DLG2: variants seen among roughly 807,000 people sequenced by gnomAD.
DLG2 encodes discs large MAGUK scaffold protein 2, also known as disks large homolog 2.
DLG2 carries 45 observed loss-of-function variants against 132.5 expected under a neutral mutation model. The ratio of observed to expected loss-of-function variants is 0.34; its 90% CI spans 0.27 to 0.44. The LOEUF (loss-of-function observed/expected upper bound fraction) is 0.44. Among genes scored for constraint, DLG2 ranks in the 20% least tolerant of loss-of-function variants. The probability of loss-of-function intolerance (pLI) is 1.00; values close to 1 mark genes in which losing one functional copy is unlikely to be tolerated. For missense variants in DLG2, 1,045 were observed against 1,196.9 expected (o/e 0.87, Z 1.87); for synonymous variants, 424 against 419.6 (o/e 1.01, Z -0.13).
intron 5 of DLG2, among the ~76,000 whole-genome samples, chr11:85,146,585 C>T (rs1347482089): frequency 6.6e-6 from 1 of 152,006 alleles, no homozygotes; most frequent in Non-Finnish European, 1.5e-5. Context: ...TTTATTTTAC[C>T]GTGGCTGAGC....
intron 3 of DLG2, among the ~76,000 whole-genome samples, chr11:85,474,274 C>G (rs1207665388): frequency 2.0e-5 from 3 of 151,954 alleles, no homozygotes; most frequent in African/African-American, 7.2e-5. Context: ...ACTGTATTTA[C>G]TTCACAACAT....
At chr11:85,418,884 C>T (rs370666616) in intron 3 of DLG2, among the ~76,000 whole-genome samples, 16 of 152,136 alleles carry the variant, frequency 1.1e-4, no homozygotes, top group Admixed American at 2.0e-4. Flanking sequence ...GCTCTTTATC[C>T]TATTTTCCAG....
intron 15 of DLG2, 84 bp downstream of exon 15, chr11:83,930,244 G>A: frequency 6.8e-7 from 1 of 1,475,960 alleles, no homozygotes; most frequent in East Asian, 2.3e-5. Context: ...TGCAAGAGAA[G>A]TGAGCAGAGG....
intron 4 of DLG2, among the ~76,000 whole-genome samples, chr11:85,226,255 G>T (rs1017751427): frequency 6.6e-6 from 1 of 151,512 alleles, no homozygotes. Context: ...TGGGTGGATG[G>T]ATGGATGGAT....
At chr11:84,816,256 G>A (rs4144291) in intron 6 of DLG2, among the ~76,000 whole-genome samples, 19,086 of 151,882 alleles carry the variant, frequency 0.13, 1,318 homozygotes, top group East Asian at 0.23. Flanking sequence ...GCCTCCAGAG[G>A]AGCAGAGAAA....
intron 3 of DLG2, among the ~76,000 whole-genome samples, chr11:85,408,902 G>A (rs1414949916): frequency 6.6e-6 from 1 of 151,798 alleles, no homozygotes; most frequent in Non-Finnish European, 1.5e-5. Flanking sequence ...AGTCCTTTGG[G>A]TATATACCCA....
At chr11:85,211,043 T>G (rs569767424) in intron 4 of DLG2, among the ~76,000 whole-genome samples, 1 of 152,264 alleles carries the variant, frequency 6.6e-6, no homozygotes, top group East Asian at 1.9e-4. Flanking sequence ...TATAGCATAT[T>G]CAATATTAAT....
chr11:83,698,747 A>G (rs548892626), intron 18 of DLG2, among the ~76,000 whole-genome samples: 2 of 152,336 alleles, frequency 1.3e-5, no homozygotes, highest in Admixed American at 6.5e-5. Context: ...CCTATCCTAA[A>G]TTATCTCTTC....
chr11:85,070,475 G>C (rs349070), intron 6 of DLG2, among the ~76,000 whole-genome samples: 1 of 151,458 alleles, frequency 6.6e-6, no homozygotes, highest in East Asian at 2.0e-4. Context: ...AAACCTACTC[G>C]GTACATTCAG....
intron 7 of DLG2, among the ~76,000 whole-genome samples, chr11:84,297,981 C>A (rs1452833965): frequency 6.6e-6 from 1 of 152,068 alleles, no homozygotes; most frequent in Non-Finnish European, 1.5e-5. Flanking sequence ...CTCATTAATA[C>A]TTTCCTTACT....
At chr11:84,052,492 A>T (rs2096408910) in intron 11 of DLG2, among the ~76,000 whole-genome samples, 1 of 151,944 alleles carries the variant, frequency 6.6e-6, no homozygotes, top group Non-Finnish European at 1.5e-5. Flanking sequence ...GAACTTAAAC[A>T]AATTTACAAG....
chr11:85,096,075 G>C (rs1393055588), intron 6 of DLG2, among the ~76,000 whole-genome samples: 1 of 152,114 alleles, frequency 6.6e-6, no homozygotes, highest in Non-Finnish European at 1.5e-5. Flanking sequence ...TCAGCACTCT[G>C]TAAAATGGAA....
chr11:85,509,464 G>A (rs1451156510), intron 3 of DLG2, among the ~76,000 whole-genome samples: 1 of 152,042 alleles, frequency 6.6e-6, no homozygotes, highest in Non-Finnish European at 1.5e-5. Flanking sequence ...TTGCAGAGGA[G>A]AGCAAGCAAC....
chr11:83,551,542 T>C (rs981640100), intron 19 of DLG2, among the ~76,000 whole-genome samples: 6 of 152,158 alleles, frequency 3.9e-5, no homozygotes, highest in African/African-American at 1.4e-4. Context: ...CACCACAATA[T>C]CAGACAGTTG....
intron 17 of DLG2, among the ~76,000 whole-genome samples, chr11:83,812,246 C>T (rs768645810): frequency 4.9e-4 from 74 of 152,138 alleles, no homozygotes; most frequent in Non-Finnish European, 3.2e-4. Context: ...CTATCCTTAA[C>T]ACTAAAGCAA....
chr11:84,811,471 G>C (rs2076550131), intron 6 of DLG2, among the ~76,000 whole-genome samples: 1 of 152,148 alleles, frequency 6.6e-6, no homozygotes, highest in African/African-American at 2.4e-5. Context: ...AGGGAAAGCA[G>C]TGTCATTTTA....
intron 11 of DLG2, among the ~76,000 whole-genome samples, chr11:84,041,485 A>G (rs1450575388): frequency 6.6e-6 from 1 of 151,952 alleles, no homozygotes; most frequent in Non-Finnish European, 1.5e-5. Flanking sequence ...AATGTGGGCA[A>G]TTTGATAGTT....
chr11:83,551,635 T>C (rs2096393390), intron 19 of DLG2, among the ~76,000 whole-genome samples: 1 of 152,094 alleles, frequency 6.6e-6, no homozygotes, highest in South Asian at 2.1e-4. Context: ...CTACAGGCTG[T>C]ACTGTAGCAG....
intron 15 of DLG2, among the ~76,000 whole-genome samples, chr11:83,875,622 G>A (rs2064568451): frequency 1.3e-5 from 2 of 152,130 alleles, no homozygotes; most frequent in Admixed American, 1.3e-4. Flanking sequence ...CAACTTTACT[G>A]AATGTGTAAT....
Sources: gnomAD v4.1 joint callset for allele counts (sites outside exome capture counted in the v4.1 genomes callset) on GRCh38, gnomAD v4.1.1 for gene constraint, MANE v1.5 for transcripts, NCBI Gene and HGNC (gene_info 2026-07-23, HGNC 2026-07-21) for gene names.